Variants in ARMC5 observed in about 807,000 individuals in gnomAD.
ARMC5 encodes the protein armadillo repeat containing 5, also known as armadillo repeat-containing protein 5.
Under a neutral mutation model 60.5 loss-of-function variants are expected in ARMC5, and 28 were observed. That is an observed-to-expected ratio of 0.46 (90% CI 0.34 to 0.63). The LOEUF is 0.63. Among genes scored for constraint, ARMC5 ranks in the 30% least tolerant of loss-of-function variants. The pLI is 0.01. For missense variants in ARMC5, 1,189 were observed against 1,304.9 expected (o/e 0.91, Z 1.37); for synonymous variants, 680 against 607.3 (o/e 1.12, Z -1.76).
Position 31,465,915 on chromosome 16 carries a change from C to T in ARMC5, c.1930C>T (p.His644Tyr), listed in dbSNP as rs995513054. 3.1e-6 allele frequency: 5 copies of T among 1,608,594 alleles called. No individual in the cohort carries two copies. The highest frequency in any genetic ancestry group is 2.7e-5 in the African/African-American group (2 of 74,926). ...GCCCTTTGGGGTTGGGGCCCTGACG[C>T]ACCTGCTGCTCTCTGGGAGCCCTGA... ...ESPFGVGALT[H>Y]LLLSGSPEDR... is the part of the protein sequence containing the mutation. Residue 644 changes from histidine (H) to tyrosine (Y), a missense_variant, in exon 5 of 6, where the codon CAC becomes TAC. By Grantham distance (83) the His-to-Tyr change is moderately conservative (BLOSUM62 2). Transcript: ENST00000268314.
rs952485044 is a variant in ARMC5 at position 31,467,131 on chromosome 16, C to T, written c.*242C>T. 3 of 439,538 alleles carry T rather than the reference C, an allele frequency of 6.8e-6. No homozygotes were observed. The highest frequency in any genetic ancestry group is 1.2e-5 in the Non-Finnish European group (3 of 253,116). 27.2% of individuals were successfully genotyped at this position (439,538 alleles called of 1,614,324 possible). On this transcript the variant is annotated 3_prime_UTR_variant, in exon 6 of 6. Coordinates refer to ENST00000268314, the MANE Select transcript of ARMC5 (RefSeq NM_001105247.2). ...CCCCAGGTGCCTGGCCTGGCCTAGA[C>T]CTCTGGAATTGAGATTAAACAATTT...
chr16:31,460,148 C>T (rs2082292043), intron 1 of ARMC5, 149 bp downstream of exon 1: 3 of 836,710 alleles, frequency 3.6e-6, no homozygotes, highest in South Asian at 3.2e-5. Context: ...CTGTTGTGCC[C>T]CGTGACGTCA....
At chr16:31,465,776 G>A in intron 4 of ARMC5, 74 bp from the exon 5 acceptor site, 3 of 1,590,548 alleles carry the variant, frequency 1.9e-6, no homozygotes, top group Non-Finnish European at 1.7e-6. Flanking sequence ...CATCTCACGG[G>A]CCCAGAGCCC....
upstream of ARMC5, chr16:31,458,745 C>T (rs1470064703): frequency 6.8e-7 from 1 of 1,477,600 alleles, no homozygotes; most frequent in Non-Finnish European, 8.9e-7. Context: ...TGGGGGCTCC[C>T]CGGGACGCGA....
upstream of ARMC5, chr16:31,458,931 A>G: frequency 6.5e-7 from 1 of 1,535,572 alleles, no homozygotes; most frequent in Non-Finnish European, 8.7e-7. Context: ...GGAAACGGAA[A>G]ATTCCACAAG....
At chr16:31,458,542 A>G, upstream of ARMC5, 1 of 1,526,878 alleles carries the variant, frequency 6.5e-7, no homozygotes, top group Non-Finnish European at 8.8e-7. Flanking sequence ...GTGGTGAATG[A>G]AGCCGGGGAG....
rs773516160 is a variant in ARMC5, at chr16:31,459,575, G to A, written c.51G>A (p.Ala17=). 1.2e-6 allele frequency: 2 copies of A among 1,604,226 alleles called. No individual in the cohort carries two copies. Among genetic ancestry groups the A allele is most frequent in the Non-Finnish European group, 1.7e-6 (2 of 1,179,346 alleles). The change falls in exon 1 of 6, where the codon GCG becomes GCA. Residue 17 remains alanine (A), a synonymous_variant. Coordinates refer to ENST00000268314, the MANE Select transcript of ARMC5 (RefSeq NM_001105247.2). ...TLTDSLSFCL[A]QLAAAAGEAL... ...CGGACTCGCTCTCGTTCTGCCTCGC[G>A]CAGCTCGCGGCGGCGGCCGGGGAGG...
Position 31,459,987 on chromosome 16 carries a change from A to G in ARMC5, c.463A>G (p.Ile155Val), listed in dbSNP as rs1186688774. 6.3e-7 allele frequency: 1 copy of G among 1,597,832 alleles called. No homozygotes were observed. The highest frequency in any genetic ancestry group is 1.3e-5 in the African/African-American group (1 of 74,632). ...CRTEVRRLGG[I>V]LPLVTILQCM... The stretch of plus-strand genomic sequence containing the variant: ...GACCGAAGTGCGCAGACTCGGAGGC[A>G]TACTCCCTTTGGGTAAGTGCTCCGC... Residue 155 changes from isoleucine (I) to valine (V), a missense_variant, in exon 1 of 6, where the codon ATA becomes GTA. Ile to Val is a conservative substitution (Grantham distance 29). This residue lies in a region of ARMC5 where 327 missense variants were observed against 233.7 expected (regional missense o/e 1.40). Transcript: ENST00000268314.
In ARMC5 at chr16:31,465,931, G is replaced by A. The variant is rs767143589; in HGVS notation, c.1946G>A (p.Gly649Glu). ...VGALTHLLLSGSPEDRVACAL... is the reference protein window; with the variant it reads ...VGALTHLLLSESPEDRVACAL... Reference sequence around the variant, plus strand: ...GCCCTGACGCACCTGCTGCTCTCTGGGAGCCCTGAGGACCGAGTGGCCTGC... The same window carrying A: ...GCCCTGACGCACCTGCTGCTCTCTGAGAGCCCTGAGGACCGAGTGGCCTGC... The change falls in exon 5 of 6, where the codon GGG (glycine) becomes GAG (glutamate). Residue 649 changes from glycine (G) to glutamate (E), a missense_variant. Gly to Glu is a moderately conservative substitution (Grantham distance 98). Transcript: ENST00000268314. The A allele has an allele frequency of 1.2e-6, 2 of 1,607,618 alleles. No individual in the cohort carries two copies. The highest frequency in any genetic ancestry group is 1.7e-6 in the Non-Finnish European group (2 of 1,179,804).
upstream of ARMC5, chr16:31,458,411 G>C (rs1322812205): frequency 2.6e-6 from 4 of 1,535,736 alleles, no homozygotes; most frequent in South Asian, 4.8e-5. Context: ...TCACACTCGG[G>C]GCAGGAGTAC....
chr16:31,459,329 G>T (rs1188182577), upstream of ARMC5: 18 of 1,535,202 alleles, frequency 1.2e-5, no homozygotes, highest in Non-Finnish European at 1.6e-5. Context: ...CCCAGGATGC[G>T]CTGCGATTAA....
intron 3 of ARMC5, among the ~76,000 whole-genome samples, chr16:31,463,927 C>T (rs1379016248): frequency 6.6e-6 from 1 of 152,148 alleles, no homozygotes; most frequent in African/African-American, 2.4e-5. Context: ...AGGTTTTAGT[C>T]GTATCCCCCT....
chr16:31,466,175 C>T lies in ARMC5; in HGVS notation c.2094C>T (p.Leu698=). 5 of 1,611,408 alleles carry T rather than the reference C, an allele frequency of 3.1e-6. No individual in the cohort carries two copies. Among genetic ancestry groups the T allele is most frequent in the Non-Finnish European group, 4.2e-6 (5 of 1,179,860 alleles). ...LTRPAPHPLF[L]FFAADSLSCL... ...GGCCGGCCCCACACCCGCTCTTCCT[C>T]TTCTTTGCCGCGGACTCCCTTTCCT... Residue 698 remains leucine, a synonymous_variant, in exon 6 of 6, where the codon CTC becomes CTT. Transcript: ENST00000268314. This position sits in a 1 kb window ranked among gnomAD's most constrained non-coding sequence, Gnocchi z 8.0.
In ARMC5 at chr16:31,464,776, C is replaced by T. The variant is rs200257003; in HGVS notation, c.1753C>T (p.Arg585Cys). The T allele has an allele frequency of 2.2e-5, 35 of 1,599,146 alleles. No homozygotes were observed. In the East Asian group the frequency reaches 2.9e-4, roughly 13 times the overall value. The change falls in exon 4 of 6, where the codon CGC becomes TGC. Residue 585 changes from arginine (R) to cysteine (C), a missense_variant. Arg to Cys is a radical substitution (Grantham distance 180). Coordinates refer to ENST00000268314, the MANE Select transcript of ARMC5 (RefSeq NM_001105247.2). This position sits in a 1 kb window ranked among gnomAD's most constrained non-coding sequence, Gnocchi z 7.6. ...CNPACLEAFV[R>C]SYGAALLRAW... ...CCCTGCCTGCCTCGAGGCCTTCGTG[C>T]GCAGCTATGGCGCGGCGCTGCTGCG...
chr16:31,460,357 C>A, intron 1 of ARMC5: 1 of 240,418 alleles, frequency 4.2e-6, no homozygotes. Context: ...GTGTCCGGCC[C>A]TGTGCAAGGT....
Position 31,459,916 on chromosome 16 carries a change from T to C in ARMC5, c.392T>C (p.Leu131Ser). The C allele has an allele frequency of 6.2e-7, 1 of 1,606,320 alleles. No individual in the cohort carries two copies. The highest frequency in any genetic ancestry group is 2.2e-5 in the East Asian group (1 of 44,830). ...PPVRLRKTLD[L>S]ALSILADCCT... ...GTGCGCCTGCGCAAGACGCTGGACTTGGCGCTCAGCATCCTAGCCGATTGC... is the reference window on the plus strand; with the variant it reads ...GTGCGCCTGCGCAAGACGCTGGACTCGGCGCTCAGCATCCTAGCCGATTGC... The change falls in exon 1 of 6, where the codon TTG becomes TCG. Residue 131 changes from leucine to serine, a missense_variant. Physicochemically the swap from Leu to Ser is moderately radical, Grantham distance 145. Around this residue, in one of 2 missense-constraint regions of ARMC5, gnomAD observed 327 missense variants for 233.7 expected, o/e 1.40. Coordinates refer to ENST00000268314, the MANE Select transcript of ARMC5 (RefSeq NM_001105247.2).
chr16:31,459,169 G>C, upstream of ARMC5: 1 of 1,511,952 alleles, frequency 6.6e-7, no homozygotes, highest in East Asian at 2.5e-5. Flanking sequence ...CCGGGGGCGG[G>C]GCACGGCACG....
At position 31,466,534 on chromosome 16, in the gene ARMC5, G is replaced by A. The variant is rs1445515582; in HGVS notation, c.2453G>A (p.Gly818Glu). The A allele has an allele frequency of 6.8e-6, 11 of 1,608,436 alleles. No individual in the cohort carries two copies. The highest frequency in any genetic ancestry group is 8.5e-6 in the Non-Finnish European group (10 of 1,179,410). The change falls in exon 6 of 6, where the codon GGG becomes GAG. Residue 818 changes from glycine (G) to glutamate (E), a missense_variant. Gly to Glu is a moderately conservative substitution (Grantham distance 98). Around this residue, in one of 2 missense-constraint regions of ARMC5, gnomAD observed 862 missense variants for 1,071.2 expected, o/e 0.80. Transcript: ENST00000268314. The surrounding 1 kb of genome is among the most constrained non-coding windows in gnomAD (Gnocchi z 8.0). ...HGCRGCGAAL[G>E]PVPPPGQPLL... is the part of the protein sequence containing the mutation. ...TGTCGGGGGTGTGGGGCTGCCCTGG[G>A]GCCCGTGCCCCCACCAGGCCAGCCC...
chr16:31,463,485 T>A (rs984784680), intron 3 of ARMC5, among the ~76,000 whole-genome samples: 3 of 152,182 alleles, frequency 2.0e-5, no homozygotes, highest in Non-Finnish European at 4.4e-5. Flanking sequence ...TATACGCTGG[T>A]TAAGATGGTG....
Sources: gnomAD v4.1 joint callset for allele counts (sites outside exome capture counted in the v4.1 genomes callset) on GRCh38, gnomAD v4.1.1 for gene constraint, gnomAD v4.1.1 regional missense constraint, Gnocchi (gnomAD v3.1) non-coding constraint, MANE v1.5 for transcripts, NCBI Gene and HGNC (gene_info 2026-07-23, HGNC 2026-07-21) for gene names.